The following PRKAR2A variants were observed in gnomAD, a reference collection of about 807,000 sequenced individuals.
PRKAR2A encodes the protein cAMP-dependent protein kinase type II-alpha regulatory subunit.
A neutral mutation model predicts 51.9 loss-of-function variants in PRKAR2A; 29 were observed. The ratio of observed to expected loss-of-function variants is 0.56; its 90% CI spans 0.42 to 0.76. The LOEUF (loss-of-function observed/expected upper bound fraction) is 0.76. PRKAR2A is among the 30% of genes least tolerant of loss of function. The probability of loss-of-function intolerance (pLI) is 0.00; values close to 1 mark genes in which losing one functional copy is unlikely to be tolerated. For missense variants in PRKAR2A, 445 were observed against 512.1 expected (o/e 0.87, Z 1.26); for synonymous variants, 178 against 186.2 (o/e 0.96, Z 0.36).
chr3:48,846,889 A>G (rs1473365765), intron 1 of PRKAR2A, among the ~76,000 whole-genome samples: 2 of 152,198 alleles, frequency 1.3e-5, no homozygotes, highest in Non-Finnish European at 2.9e-5. Context: ...GATTCATCTC[A>G]CCTTTCCTCT....
At chr3:48,784,079 A>T (rs549288370) in intron 4 of PRKAR2A, among the ~76,000 whole-genome samples, 1 of 152,336 alleles carries the variant, frequency 6.6e-6, no homozygotes, top group East Asian at 1.9e-4. Context: ...TGCCATAACC[A>T]GACATCAACT....
intron 2 of PRKAR2A, among the ~76,000 whole-genome samples, chr3:48,804,550 G>T (rs1170151012): frequency 6.6e-6 from 1 of 152,156 alleles, no homozygotes; most frequent in Non-Finnish European, 1.5e-5. Flanking sequence ...GGAATTTAAG[G>T]TTAGTAAGGA....
chr3:48,771,137 G>A (rs1180328811), intron 6 of PRKAR2A, among the ~76,000 whole-genome samples: 1 of 152,096 alleles, frequency 6.6e-6, no homozygotes, highest in East Asian at 1.9e-4. Flanking sequence ...AGGAGGCCGA[G>A]GTAGGAGAAT....
chr3:48,757,286 TAA>T (rs1255924666), intron 8 of PRKAR2A, among the ~76,000 whole-genome samples: 2 of 152,230 alleles, frequency 1.3e-5, no homozygotes, highest in Non-Finnish European at 2.9e-5. Context: ...ATCCACCATT[TAA>T]AGTGGTCACA....
At chr3:48,767,546 T>C (rs759543393) in intron 6 of PRKAR2A, among the ~76,000 whole-genome samples, 1 of 151,918 alleles carries the variant, frequency 6.6e-6, no homozygotes, top group Non-Finnish European at 1.5e-5. Context: ...TCCCTGCACT[T>C]TGGGAGGCCA....
intron 1 of PRKAR2A, among the ~76,000 whole-genome samples, chr3:48,842,217 C>G (rs975760553): frequency 1.3e-5 from 2 of 152,114 alleles, no homozygotes; most frequent in Non-Finnish European, 2.9e-5. Flanking sequence ...CTCTGTTTTT[C>G]TGTTATTGGT....
intron 3 of PRKAR2A, among the ~76,000 whole-genome samples, chr3:48,792,877 C>T (rs1296989889): frequency 4.6e-5 from 7 of 151,762 alleles, no homozygotes; most frequent in Admixed American, 3.3e-4. Flanking sequence ...TGCAGTGAGC[C>T]GAATTCACGT....
intron 4 of PRKAR2A, among the ~76,000 whole-genome samples, chr3:48,784,277 A>G (rs571212352): frequency 1.3e-5 from 2 of 152,330 alleles, no homozygotes; most frequent in East Asian, 3.9e-4. Flanking sequence ...TGAAAAGAGA[A>G]TAATTTTATG....
At chr3:48,770,455 C>T (rs1302455092) in intron 6 of PRKAR2A, among the ~76,000 whole-genome samples, 1 of 152,072 alleles carries the variant, frequency 6.6e-6, no homozygotes, top group African/African-American at 2.4e-5. Context: ...GTGACGACAC[C>T]AGATCCTCCC....
intron 6 of PRKAR2A, among the ~76,000 whole-genome samples, chr3:48,767,651 G>T (rs532747433): frequency 6.6e-6 from 1 of 152,056 alleles, no homozygotes; most frequent in Non-Finnish European, 1.5e-5. Context: ...CAGGCTGGAC[G>T]CAGTGGCTCA....
intron 1 of PRKAR2A, among the ~76,000 whole-genome samples, chr3:48,808,657 C>A (rs943767676): frequency 1.3e-5 from 1 of 79,726 alleles, no homozygotes; most frequent in Non-Finnish European, 2.6e-5. Flanking sequence ...GGATTACAGG[C>A]GTGAGCCACC....
chr3:48,812,464 C>T (rs1209327207), intron 1 of PRKAR2A, among the ~76,000 whole-genome samples: 1 of 150,510 alleles, frequency 6.6e-6, no homozygotes, highest in Non-Finnish European at 1.5e-5. Context: ...TTTGGTGTTA[C>T]AGGCAACTTT....
At chr3:48,828,248 G>C (rs1383322946) in intron 1 of PRKAR2A, among the ~76,000 whole-genome samples, 1 of 152,068 alleles carries the variant, frequency 6.6e-6, no homozygotes, top group East Asian at 1.9e-4. Flanking sequence ...GAGTGTAGCA[G>C]CTACAAACAG....
chr3:48,801,029 T>G (rs2082581287), intron 2 of PRKAR2A, among the ~76,000 whole-genome samples: 1 of 152,116 alleles, frequency 6.6e-6, no homozygotes, highest in African/African-American at 2.4e-5. Context: ...TCGTCCAGAA[T>G]GGAATGCAGT....
chr3:48,753,603 T>C (rs1375611406), intron 9 of PRKAR2A, among the ~76,000 whole-genome samples: 1 of 152,108 alleles, frequency 6.6e-6, no homozygotes, highest in East Asian at 1.9e-4. Flanking sequence ...GCCCACTTAG[T>C]CCCTTCTCTA....
Position 48,782,987 on chromosome 3 carries a change from G to T in PRKAR2A, c.541C>A (p.Arg181=). 1 of 1,595,132 alleles carries T rather than the reference G, an allele frequency of 6.3e-7. No homozygotes were observed. Among genetic ancestry groups the T allele is most frequent in the Non-Finnish European group, 8.6e-7 (1 of 1,162,802 alleles). Residue 181 remains arginine, a splice_region_variant and synonymous_variant, in exon 5 of 11, where the codon CGG becomes AGG. Coordinates refer to ENST00000265563, the MANE Select transcript of PRKAR2A (RefSeq NM_004157.4). ...DDGDNFYVIE[R]GTYDILVTKD... is the part of the protein sequence containing the mutation. ...CAATTTCAAAGCTCCATCTCCTACC[G>T]TTCTATGACATAAAAGTTGTCTCCA...
chr3:48,829,037 T>C (rs971812475), intron 1 of PRKAR2A, among the ~76,000 whole-genome samples: 1 of 151,700 alleles, frequency 6.6e-6, no homozygotes, highest in African/African-American at 2.4e-5. Flanking sequence ...GGTTTCACCA[T>C]GTTGGCCAAG....
intron 1 of PRKAR2A, among the ~76,000 whole-genome samples, chr3:48,832,672 TTTTTTTAA>T (rs1055879222): frequency 6.6e-6 from 1 of 152,158 alleles, no homozygotes; most frequent in Non-Finnish European, 1.5e-5. Flanking sequence ...AAAACGATTT[TTTTTTTAA>T]TTTTTTAAGC....
intron 6 of PRKAR2A, among the ~76,000 whole-genome samples, chr3:48,769,331 G>A (rs1184455383): frequency 2.0e-5 from 3 of 151,222 alleles, no homozygotes; most frequent in African/African-American, 7.3e-5. Context: ...CTAATTTTTT[G>A]TATTTTTAGT....
Sources: gnomAD v4.1 joint callset for allele counts (sites outside exome capture counted in the v4.1 genomes callset) on GRCh38, gnomAD v4.1.1 for gene constraint, MANE v1.5 for transcripts, NCBI Gene and HGNC (gene_info 2026-07-23, HGNC 2026-07-21) for gene names.